The following RABEP1 variants were observed in gnomAD, a reference collection of about 807,000 sequenced individuals.
RABEP1 encodes the protein rabaptin, RAB GTPase binding effector protein 1.
Under a neutral mutation model 123.4 loss-of-function variants are expected in RABEP1, and 51 were observed. The ratio of observed to expected loss-of-function variants is 0.41; its 90% CI spans 0.33 to 0.52. RABEP1 has a LOEUF of 0.52. RABEP1 is among the 20% of genes least tolerant of loss of function. RABEP1 has a pLI of 0.16. For missense variants in RABEP1, 888 were observed against 996.3 expected (o/e 0.89, Z 1.46); for synonymous variants, 347 against 355.2 (o/e 0.98, Z 0.26).
Position 5,383,552 on chromosome 17 carries a change from A to AT in RABEP1, c.*329_*330insT. On this transcript the variant is annotated 3_prime_UTR_variant, in exon 18 of 18. Transcript: ENST00000537505. The stretch of plus-strand genomic sequence containing the variant: ...TTTTCGGAACACATTTCCCTACCCT[A>AT]AAGCGACATCCCAGTAGTGTTTGGA... 2.8e-6 allele frequency: 1 copy of AT among 353,938 alleles called. No homozygotes were observed. Among genetic ancestry groups the AT allele is most frequent in the Non-Finnish European group, 5.3e-6 (1 of 189,628 alleles). 21.9% of individuals were successfully genotyped at this position (353,938 alleles called of 1,614,324 possible).
chr17:5,297,656 A>C (rs1046794222), intron 1 of RABEP1, among the ~76,000 whole-genome samples: 1 of 152,230 alleles, frequency 6.6e-6, no homozygotes, highest in African/African-American at 2.4e-5. Flanking sequence ...CCAGTGTATA[A>C]AATAACTTGC....
chr17:5,322,684 A>T (rs931768537), intron 2 of RABEP1, among the ~76,000 whole-genome samples: 1 of 152,234 alleles, frequency 6.6e-6, no homozygotes, highest in Admixed American at 6.5e-5. Context: ...AAGATCAGCC[A>T]CCACGATCAA....
chr17:5,377,238 A>C lies in RABEP1; in HGVS notation c.2148A>C (p.Glu716Asp). The change falls in exon 14 of 18, where the codon GAA (glutamate) becomes GAC (aspartate). Residue 716 changes from glutamate to aspartate, a missense_variant. Physicochemically the swap from Glu to Asp is conservative, Grantham distance 45 (BLOSUM62 2). Coordinates refer to ENST00000537505, the MANE Select transcript of RABEP1 (RefSeq NM_004703.6). Reference protein sequence around the residue: ...ILFLKEQIQAEQCLKENLEET... With the variant: ...ILFLKEQIQADQCLKENLEET... ...TCCTAAAAGAGCAGATCCAAGCAGA[A>C]CAGTGTTTAAAAGAAAATCTTGAAG... 6.2e-7 allele frequency: 1 copy of C among 1,605,516 alleles called. No homozygotes were observed.
intron 15 of RABEP1, among the ~76,000 whole-genome samples, chr17:5,380,133 C>T (rs1374350059): frequency 6.6e-6 from 1 of 152,188 alleles, no homozygotes; most frequent in Non-Finnish European, 1.5e-5. Flanking sequence ...TCTGTTTACC[C>T]TGATTTCTCC....
At chr17:5,310,017 A>G (rs531271209) in intron 2 of RABEP1, among the ~76,000 whole-genome samples, 1 of 152,342 alleles carries the variant, frequency 6.6e-6, no homozygotes, top group African/African-American at 2.4e-5. Context: ...AATCACCTGG[A>G]GAGCTTGTTA....
At chr17:5,338,567 T>G (rs1907305430) in intron 5 of RABEP1, among the ~76,000 whole-genome samples, 3 of 152,154 alleles carry the variant, frequency 2.0e-5, no homozygotes, top group Admixed American at 1.3e-4. Flanking sequence ...AAATTCTGTC[T>G]CAATAATAAA....
intron 8 of RABEP1, among the ~76,000 whole-genome samples, chr17:5,359,078 C>CTTT (rs112132875): frequency 2.1e-5 from 3 of 143,796 alleles, no homozygotes; most frequent in South Asian, 2.2e-4. Context: ...CTGATGTTTT[C>CTTT]TTTTTTTTTT....
At chr17:5,287,988 G>A (rs1597322140) in intron 1 of RABEP1, among the ~76,000 whole-genome samples, 1 of 152,086 alleles carries the variant, frequency 6.6e-6, no homozygotes, top group South Asian at 2.1e-4. Context: ...AGATGTTGAA[G>A]CTTGGACCAG....
At chr17:5,284,964 T>C (rs931351008) in intron 1 of RABEP1, among the ~76,000 whole-genome samples, 1 of 152,094 alleles carries the variant, frequency 6.6e-6, no homozygotes, top group African/African-American at 2.4e-5. Flanking sequence ...GCGATTGTCT[T>C]TGATGACTTT....
Position 5,382,745 on chromosome 17 carries a change from C to T in RABEP1, c.2488-377C>T, listed in dbSNP as rs547082729. On this transcript the variant is annotated intron_variant, in intron 17 of 17. Transcript: ENST00000537505. ...CCAGCCTGGGTGACGGAGCAATACT[C>T]CATCTGGAGGAAAAGAAAAAGCAAG... is the stretch of plus-strand genomic sequence containing the variant. Among the ~76,000 whole-genome samples the T allele has an allele frequency of 9.3e-4, 141 of 151,976 alleles. 1 individual carries two copies. The highest frequency in any genetic ancestry group is 3.4e-3 in the Middle Eastern group (1 of 294).
Position 5,381,457 on chromosome 17 carries a change from C to T in RABEP1, c.2439C>T (p.Val813=). 3 of 1,613,640 alleles carry T rather than the reference C, an allele frequency of 1.9e-6. No homozygotes were observed. Among genetic ancestry groups the T allele is most frequent in the Non-Finnish European group, 2.5e-6 (3 of 1,179,738 alleles). Residue 813 remains valine (V), a synonymous_variant, in exon 17 of 18, where the codon GTC becomes GTT. Transcript: ENST00000537505. ...AGAGATTACAGACAGAATTAGATGT[C>T]AGTGAGCAAGTCCAGAGGGATTTTG... ...KAQRLQTELD[V]SEQVQRDFVK...
intron 2 of RABEP1, among the ~76,000 whole-genome samples, chr17:5,325,766 C>T (rs72634024): frequency 0.095 from 14,382 of 151,210 alleles, 1,601 homozygotes; most frequent in East Asian, 0.48. Flanking sequence ...ACCCGAACTA[C>T]ACCCAGTTTG....
At chr17:5,322,871 T>C (rs1217396050) in intron 2 of RABEP1, among the ~76,000 whole-genome samples, 2 of 152,098 alleles carry the variant, frequency 1.3e-5, no homozygotes, top group East Asian at 3.9e-4. Context: ...GGCCAGGAGT[T>C]TGAGACCAGC....
Position 5,307,520 on chromosome 17 carries a change from G to A in RABEP1, c.35-1174G>A, listed in dbSNP as rs148227591. Among the ~76,000 whole-genome samples, 339 of 152,318 alleles carry A rather than the reference G, an allele frequency of 2.2e-3. 4 individuals are homozygous for A. The East Asian group carries it at 0.039, about 17-fold the overall frequency. The stretch of plus-strand genomic sequence containing the variant: ...AAATCATCATTATCTGGAGTGACTT[G>A]CAGTAGGAAACTTGGCCCTCTGCTG... On this transcript the variant is annotated intron_variant, in intron 1 of 17. Coordinates refer to ENST00000537505, the MANE Select transcript of RABEP1 (RefSeq NM_004703.6).
At chr17:5,379,471 G>A (rs1486498676) in intron 15 of RABEP1, among the ~76,000 whole-genome samples, 1 of 152,006 alleles carries the variant, frequency 6.6e-6, no homozygotes, top group Non-Finnish European at 1.5e-5. Context: ...CCTCTCCCGA[G>A]CTACCACTCT....
Position 5,366,861 on chromosome 17 carries a change from G to C in RABEP1, c.1786-1509G>C, listed in dbSNP as rs961713736. On this transcript the variant is annotated intron_variant, in intron 11 of 17. Transcript: ENST00000537505. ...TCCCAGCACTTTGGGAGGCCGAGGC[G>C]GGCAGATTACCTGAGGTCAGGAGTT... 2.6e-5 allele frequency among the ~76,000 whole-genome samples: 4 copies of C among 151,782 alleles called. No individual in the cohort carries two copies. The South Asian group carries it at 6.3e-4, about 24-fold the overall frequency.
chr17:5,299,890 C>T (rs570872254), intron 1 of RABEP1, among the ~76,000 whole-genome samples: 23 of 151,536 alleles, frequency 1.5e-4, no homozygotes, highest in Non-Finnish European at 2.9e-4. Context: ...CCACCATGCC[C>T]GGCTAATTTT....
chr17:5,311,697 CAAAAAAA>C (rs35876639), intron 2 of RABEP1, among the ~76,000 whole-genome samples: 5 of 70,882 alleles, frequency 7.1e-5, no homozygotes, highest in African/African-American at 1.7e-4. Flanking sequence ...GACTTCATCT[CAAAAAAA>C]AAAAAAAAAA....
In RABEP1 at chr17:5,319,358, A is replaced by C. The variant is rs867611646; in HGVS notation, c.163+10536A>C. On this transcript the variant is annotated intron_variant, in intron 2 of 17. Coordinates refer to ENST00000537505, the MANE Select transcript of RABEP1 (RefSeq NM_004703.6). ...AAAAAAAAACAAAAAAACAAAAAAA[A>C]AAAACATATATATTTTTTTCCTTTT... Among the ~76,000 whole-genome samples the C allele has an allele frequency of 4.8e-4, 64 of 133,330 alleles. 1 individual carries two copies. Among genetic ancestry groups the C allele is most frequent in the African/African-American group, 1.7e-3 (60 of 35,020 alleles). The allele number at this position is 133,330 out of a possible 152,430, so 87.5% of individuals were successfully genotyped here.
Sources: allele counts gnomAD v4.1 joint callset (sites outside exome capture counted in the v4.1 genomes callset), GRCh38; gene constraint gnomAD v4.1.1; transcripts MANE v1.5; gene names NCBI Gene and HGNC (gene_info 2026-07-23, HGNC 2026-07-21).